The following G3BP2 variants were observed in gnomAD, a reference collection of about 807,000 sequenced individuals.
G3BP2 encodes G3BP stress granule assembly factor 2.
A neutral mutation model predicts 56.7 loss-of-function variants in G3BP2; 11 were observed. The ratio of observed to expected loss-of-function variants is 0.19; its 90% CI spans 0.12 to 0.32. The LOEUF is 0.32. G3BP2 is among the 10% of genes least tolerant of loss of function. The pLI is 1.00. For synonymous variants in G3BP2, 165 were observed against 191.6 expected, an observed-to-expected ratio of 0.86 and a Z score of 1.15; for missense variants, 340 against 610.9, an observed-to-expected ratio of 0.56 and a Z score of 4.67.
upstream of G3BP2, among the ~76,000 whole-genome samples, chr4:75,674,705 T>TAG: frequency 2.3e-5 from 1 of 43,772 alleles, no homozygotes; most frequent in Non-Finnish European, 4.8e-5. Flanking sequence ...CATATATATA[T>TAG]ATATATATAT....
intron 3 of G3BP2, among the ~76,000 whole-genome samples, chr4:75,686,500 A>G (rs1278988133): frequency 7.1e-6 from 1 of 141,474 alleles, no homozygotes; most frequent in African/African-American, 2.6e-5. Context: ...GAGCCAGCGA[A>G]GGAAGTGCAG....
At chr4:75,681,242 T>C (rs1166475983) in intron 3 of G3BP2, among the ~76,000 whole-genome samples, 4 of 151,998 alleles carry the variant, frequency 2.6e-5, no homozygotes, top group South Asian at 2.1e-4. Context: ...GAGAATCGCT[T>C]GAACCCGGGA....
At chr4:75,711,238 G>T (rs1217891338) in intron 3 of G3BP2, among the ~76,000 whole-genome samples, 1 of 151,284 alleles carries the variant, frequency 6.6e-6, no homozygotes, top group African/African-American at 2.4e-5. Flanking sequence ...AGAATCTCTT[G>T]AACCCAGGAG....
intron 3 of G3BP2, among the ~76,000 whole-genome samples, chr4:75,704,012 G>GTTTTTTTTTTTTTTTTTTT (rs11315970): frequency 2.2e-5 from 3 of 138,962 alleles, no homozygotes; most frequent in Non-Finnish European, 1.6e-5. Context: ...TCTATGAAAG[G>GTTTTTTTTTTTTTTTTTTT]TTTTTTTTTT....
chr4:75,723,647 C>T (rs1720272580), intron 1 of G3BP2, among the ~76,000 whole-genome samples: 1 of 152,140 alleles, frequency 6.6e-6, no homozygotes, highest in African/African-American at 2.4e-5. Flanking sequence ...GCACGGCACG[C>T]ACACAGTAGA....
intron 3 of G3BP2, among the ~76,000 whole-genome samples, chr4:75,718,132 C>T (rs1489396036): frequency 1.7e-5 from 2 of 120,344 alleles, no homozygotes; most frequent in Middle Eastern, 3.5e-3. Context: ...GAGACTCCGT[C>T]GCAAAAAAAA....
At chr4:75,724,137 G>A (rs1343445081) in intron 1 of G3BP2, 2 of 152,314 alleles carry the variant, frequency 1.3e-5, no homozygotes, top group Non-Finnish European at 2.9e-5. Context: ...GCAGTGGAAT[G>A]AGGGGTGTCT....
rs558020857 is a variant in G3BP2 at position 75,645,106 on chromosome 4, A to G, written c.*324T>C. On this transcript the variant is annotated 3_prime_UTR_variant, in exon 12 of 12. Coordinates refer to ENST00000359707, the MANE Select transcript of G3BP2 (RefSeq NM_203505.3). ...ACAGTAACACTTAAACAAAATGTGC[A>G]GCAGAAGATTTTTTTTTTACTCAAA... The G allele has an allele frequency of 2.1e-5, 6 of 285,892 alleles. No homozygotes were observed. The highest frequency in any genetic ancestry group is 3.9e-5 in the Non-Finnish European group (6 of 154,704). 17.7% of individuals were successfully genotyped at this position (285,892 alleles called of 1,614,324 possible).
upstream of G3BP2, among the ~76,000 whole-genome samples, chr4:75,675,012 C>T (rs1733812277): frequency 6.6e-6 from 1 of 151,858 alleles, no homozygotes; most frequent in Admixed American, 6.6e-5. Context: ...CGTGAGCCAC[C>T]GCACCCGGCC....
chr4:75,671,560 C>A (rs1271218568), intron 1 of G3BP2, among the ~76,000 whole-genome samples: 2 of 152,190 alleles, frequency 1.3e-5, no homozygotes, highest in Non-Finnish European at 2.9e-5. Context: ...CACAAGCATT[C>A]TGGTTCACTC....
At chr4:75,650,064 G>A (rs1231621508) in intron 8 of G3BP2, among the ~76,000 whole-genome samples, 8 of 152,232 alleles carry the variant, frequency 5.3e-5, no homozygotes, top group African/African-American at 1.9e-4. Flanking sequence ...GAGGACCTCA[G>A]TCCATGCAGC....
At chr4:75,678,649 C>CA (rs200907341) in intron 3 of G3BP2, among the ~76,000 whole-genome samples, 9 of 151,680 alleles carry the variant, frequency 5.9e-5, no homozygotes, top group Non-Finnish European at 8.8e-5. Flanking sequence ...ACCCCATTTC[C>CA]AAAAAAAATA....
chr4:75,655,289 T>A (rs1298527123), intron 6 of G3BP2, 43 bp from the exon 7 acceptor site: 3 of 1,414,600 alleles, frequency 2.1e-6, no homozygotes, highest in African/African-American at 1.4e-5. Context: ...GGAGTTCAAG[T>A]AAGAAAAAAT....
At chr4:75,700,376 A>G (rs1322483124) in intron 3 of G3BP2, among the ~76,000 whole-genome samples, 1 of 104,868 alleles carries the variant, frequency 9.5e-6, no homozygotes, top group Non-Finnish European at 2.1e-5. Context: ...TAGCATAGGA[A>G]AAAACCGAAA....
In G3BP2 at chr4:75,648,659, G is replaced by A. The variant is rs1405958068; in HGVS notation, c.908C>T (p.Pro303Leu). ...CTCACCTGGTCTTGGTCCTCTAGGA[G>A]GAAAACCAGGTCGTTCTCTAGGTCG... The part of the protein sequence containing the change: ...EQRPRERPGF[P>L]PRGPRPGRGD... Residue 303 changes from proline (P) to leucine (L), a missense_variant, in exon 9 of 12, where the codon CCT (proline) becomes CTT (leucine). Coordinates refer to ENST00000359707, the MANE Select transcript of G3BP2 (RefSeq NM_203505.3). 1 of 1,601,362 alleles carries A rather than the reference G, an allele frequency of 6.2e-7. No individual in the cohort carries two copies. Among genetic ancestry groups the A allele is most frequent in the South Asian group, 1.1e-5 (1 of 90,748 alleles).
chr4:75,716,490 T>G (rs1035843344), intron 3 of G3BP2, among the ~76,000 whole-genome samples: 3 of 145,998 alleles, frequency 2.1e-5, no homozygotes, highest in South Asian at 2.1e-4. Context: ...CTAGTTCTTG[T>G]TTTTTTTTGT....
chr4:75,670,069 T>C (rs1294146467), intron 1 of G3BP2, among the ~76,000 whole-genome samples: 1 of 152,172 alleles, frequency 6.6e-6, no homozygotes, highest in Non-Finnish European at 1.5e-5. Context: ...TATTAGTTAT[T>C]ATAAAAAGAA....
intron 3 of G3BP2, among the ~76,000 whole-genome samples, chr4:75,678,574 G>A (rs541030476): frequency 1.6e-4 from 24 of 152,278 alleles, no homozygotes; most frequent in African/African-American, 4.8e-4. Context: ...CCACTACTTG[G>A]GAAGCTGAAG....
chr4:75,672,572 C>G (rs1733575075), intron 1 of G3BP2: 1 of 152,240 alleles, frequency 6.6e-6, no homozygotes, highest in African/African-American at 2.4e-5. Flanking sequence ...TGGTCAAACA[C>G]GACGGAACAC....
Sources: allele counts gnomAD v4.1 joint callset (sites outside exome capture counted in the v4.1 genomes callset), GRCh38; gene constraint gnomAD v4.1.1; transcripts MANE v1.5; gene names NCBI Gene and HGNC (gene_info 2026-07-23, HGNC 2026-07-21).